The following PDE1A variants were observed in gnomAD, a reference collection of about 807,000 sequenced individuals.
PDE1A encodes the protein phosphodiesterase 1A.
A neutral mutation model predicts 61.7 loss-of-function variants in PDE1A; 35 were observed. The ratio of observed to expected loss-of-function variants is 0.57; its 90% CI spans 0.43 to 0.75. The LOEUF (loss-of-function observed/expected upper bound fraction) is 0.75, where lower values mean the gene tolerates loss of function less well. Ranked by LOEUF, PDE1A falls within the 30% of genes least tolerant of loss-of-function variation. The pLI is 0.00. For missense variants in PDE1A, 597 were observed against 630.6 expected (o/e 0.95, Z 0.57); for synonymous variants, 232 against 213.2 (o/e 1.09, Z -0.77).
rs780548266 is a variant in PDE1A at position 182,201,661 on chromosome 2, A to AAAAAC, written c.1004+26_1004+27insGTTTT. 86 of 1,555,272 alleles carry AAAAAC rather than the reference A, an allele frequency of 5.5e-5. 1 individual carries two copies. Among genetic ancestry groups the AAAAAC allele is most frequent in the African/African-American group, 1.7e-4 (12 of 71,712 alleles). ...GAACTTTAACATGACAAAAAAAAAAAAACAACAAAAAAAACACAAAACCTA... is the reference window on the plus strand; with the variant it reads ...GAACTTTAACATGACAAAAAAAAAAAAAAACAACAACAAAAAAAACACAAAACCTA... On this transcript the variant is annotated intron_variant, in intron 9 of 13. Coordinates refer to ENST00000351439, the Ensembl canonical transcript of PDE1A.
chr2:182,532,054 A>C, the PDE1A span, among the ~76,000 whole-genome samples: 1 of 152,196 alleles, frequency 6.6e-6, no homozygotes, highest in Admixed American at 6.5e-5. Context: ...GCTGCAGTAA[A>C]AAGGTATTGA....
chr2:182,492,598 A>G (rs1436871886), intron 2 of PDE1A, among the ~76,000 whole-genome samples: 1 of 152,220 alleles, frequency 6.6e-6, no homozygotes, highest in East Asian at 1.9e-4. Context: ...ATTATAAATT[A>G]TCACTTTTGC....
chr2:182,276,580 CAT>C (rs1212891002), intron 1 of PDE1A, among the ~76,000 whole-genome samples: 11 of 151,536 alleles, frequency 7.3e-5, no homozygotes, highest in African/African-American at 2.7e-4. Context: ...GATTGTAAAA[CAT>C]GTGTGTTTGA....
At chr2:182,592,770 A>T in the PDE1A span, among the ~76,000 whole-genome samples, 14 of 152,224 alleles carry the variant, frequency 9.2e-5, no homozygotes, top group Non-Finnish European at 1.8e-4. Flanking sequence ...AAGAAAAAGA[A>T]AGAATGAATC....
intron 1 of PDE1A, among the ~76,000 whole-genome samples, chr2:182,408,890 C>T (rs1355502997): frequency 2.6e-5 from 4 of 152,186 alleles, no homozygotes; most frequent in Non-Finnish European, 4.4e-5. Flanking sequence ...CAGCTAGAAG[C>T]CAATCCACTC....
At chr2:182,601,340 A>G in the PDE1A span, among the ~76,000 whole-genome samples, 2 of 152,184 alleles carry the variant, frequency 1.3e-5, no homozygotes, top group Admixed American at 1.3e-4. Context: ...CAGCTTTCCC[A>G]ACTGGCACCA....
intron 2 of PDE1A, among the ~76,000 whole-genome samples, chr2:182,492,600 C>T (rs901921158): frequency 1.3e-5 from 2 of 152,142 alleles, no homozygotes; most frequent in Non-Finnish European, 1.5e-5. Flanking sequence ...TATAAATTAT[C>T]ACTTTTGCCT....
At chr2:182,401,414 C>CA (rs1475746706) in intron 1 of PDE1A, among the ~76,000 whole-genome samples, 2 of 152,054 alleles carry the variant, frequency 1.3e-5, no homozygotes, top group Non-Finnish European at 2.9e-5. Context: ...GAACCAATGA[C>CA]AAAAAACATA....
At chr2:182,162,487 G>T (rs893383096) in intron 13 of PDE1A, among the ~76,000 whole-genome samples, 2 of 152,136 alleles carry the variant, frequency 1.3e-5, no homozygotes, top group Admixed American at 1.3e-4. Flanking sequence ...TGACAACAGG[G>T]AATCACTGCC....
At chr2:182,619,950 T>G in the PDE1A span, among the ~76,000 whole-genome samples, 4 of 152,146 alleles carry the variant, frequency 2.6e-5, no homozygotes, top group African/African-American at 9.7e-5. Flanking sequence ...TCCAGAAGTT[T>G]TTTTTTAAGG....
chr2:182,173,518 A>T (rs922514640), intron 13 of PDE1A, among the ~76,000 whole-genome samples: 30 of 151,834 alleles, frequency 2.0e-4, no homozygotes, highest in African/African-American at 7.2e-4. Flanking sequence ...AAAGCTGAAG[A>T]GGTTAAATTG....
intron 13 of PDE1A, among the ~76,000 whole-genome samples, chr2:182,148,745 CT>C (rs1173260049): frequency 1.3e-5 from 2 of 152,184 alleles, no homozygotes; most frequent in Non-Finnish European, 2.9e-5. Context: ...CCATTTAACT[CT>C]TTAGATCTCT....
intron 1 of PDE1A, among the ~76,000 whole-genome samples, chr2:182,417,841 G>T (rs950213919): frequency 5.9e-5 from 9 of 152,046 alleles, no homozygotes; most frequent in Admixed American, 5.9e-4. Context: ...AAATGCAGAA[G>T]TTTGTTGTGT....
At chr2:182,607,846 G>C in the PDE1A span, among the ~76,000 whole-genome samples, 1 of 152,190 alleles carries the variant, frequency 6.6e-6, no homozygotes, top group Non-Finnish European at 1.5e-5. Context: ...CTAAGTGGGA[G>C]TGAATAAAGG....
At chr2:182,480,711 G>A in intron 2 of PDE1A, among the ~76,000 whole-genome samples, 1 of 151,940 alleles carries the variant, frequency 6.6e-6, no homozygotes, top group East Asian at 1.9e-4. Flanking sequence ...TAACGGACTT[G>A]AGCATCTTCT....
chr2:182,326,445 T>A (rs1697053299), intron 1 of PDE1A, among the ~76,000 whole-genome samples: 1 of 152,198 alleles, frequency 6.6e-6, no homozygotes, highest in Non-Finnish European at 1.5e-5. Context: ...AATATTATGC[T>A]ATGTAAAATA....
the PDE1A span, among the ~76,000 whole-genome samples, chr2:182,571,448 T>C: frequency 6.6e-6 from 1 of 152,138 alleles, no homozygotes; most frequent in Non-Finnish European, 1.5e-5. Flanking sequence ...AAGCCTCTTA[T>C]TTTCTAATTC....
the PDE1A span, among the ~76,000 whole-genome samples, chr2:182,648,252 G>C: frequency 6.6e-6 from 1 of 151,984 alleles, no homozygotes; most frequent in Non-Finnish European, 1.5e-5. Flanking sequence ...TGAGCCTTGC[G>C]AGTAGTAAGC....
chr2:182,602,498 T>C, the PDE1A span, among the ~76,000 whole-genome samples: 1 of 152,222 alleles, frequency 6.6e-6, no homozygotes, highest in Non-Finnish European at 1.5e-5. Flanking sequence ...AACCCACAGA[T>C]TCAGGAACAA....
Sources: gnomAD v4.1 joint callset for allele counts (sites outside exome capture counted in the v4.1 genomes callset) on GRCh38, gnomAD v4.1.1 for gene constraint, MANE v1.5 for transcripts, NCBI Gene and HGNC (gene_info 2026-07-23, HGNC 2026-07-21) for gene names.